The following NKAIN3 variants were observed in gnomAD, a reference collection of about 807,000 sequenced individuals.
NKAIN3 encodes the protein sodium/potassium-transporting ATPase subunit beta-1-interacting protein 3.
A neutral mutation model predicts 30.2 loss-of-function variants in NKAIN3; 25 were observed. That is an observed-to-expected ratio of 0.83 (90% CI 0.60 to 1.16). The LOEUF (loss-of-function observed/expected upper bound fraction) is 1.16. Among genes scored for constraint, NKAIN3 ranks in the 50% most tolerant of loss-of-function variants. NKAIN3 has a pLI of 0.00. For synonymous variants in NKAIN3, 91 were observed against 89.6 expected (o/e 1.02, Z -0.09); for missense variants, 225 against 254.1 (o/e 0.89, Z 0.78).
intron 3 of NKAIN3, among the ~76,000 whole-genome samples, chr8:62,715,684 T>C (rs369161336): frequency 6.6e-6 from 1 of 152,212 alleles, no homozygotes; most frequent in East Asian, 1.9e-4. Context: ...TGTTACGTTA[T>C]TGTGACAATG....
rs193219642 is a variant in NKAIN3 at position 62,806,661 on chromosome 8, G to A, written c.471+59532G>A. Among the ~76,000 whole-genome samples the A allele has an allele frequency of 3.9e-3, 588 of 152,040 alleles. 4 individuals are homozygous for A. The highest frequency in any genetic ancestry group is 0.013 in the African/African-American group (557 of 41,458). On this transcript the variant is annotated intron_variant, in intron 4 of 6. Transcript: ENST00000623646. ...ACACTCTGGGTACTGTTGTGGGGTC[G>A]CGGGAGTGGGGAGGGATAGCATTAG...
At chr8:62,856,232 T>G (rs2130781629) in intron 4 of NKAIN3, 1 of 865,846 alleles carries the variant, frequency 1.2e-6, no homozygotes, top group African/African-American at 1.6e-5. Context: ...CACTGGTTCA[T>G]TTGTTTCCCA....
At chr8:62,796,568 A>C (rs1817868758) in intron 4 of NKAIN3, among the ~76,000 whole-genome samples, 1 of 152,008 alleles carries the variant, frequency 6.6e-6, no homozygotes, top group Admixed American at 6.6e-5. Flanking sequence ...TAGGCCATTG[A>C]TGACTAAATG....
chr8:62,890,703 G>A (rs1353811700), intron 4 of NKAIN3, among the ~76,000 whole-genome samples: 3 of 152,166 alleles, frequency 2.0e-5, no homozygotes, highest in Admixed American at 2.0e-4. Flanking sequence ...ACACTCACCA[G>A]CAGCCTCTCA....
chr8:62,568,008 A>G (rs1809811436), intron 1 of NKAIN3, among the ~76,000 whole-genome samples: 1 of 152,126 alleles, frequency 6.6e-6, no homozygotes, highest in South Asian at 2.1e-4. Flanking sequence ...TGATAAATTG[A>G]AGGTTGACTA....
chr8:62,423,300 C>G (rs1476978894), intron 1 of NKAIN3, among the ~76,000 whole-genome samples: 1 of 151,932 alleles, frequency 6.6e-6, no homozygotes, highest in Non-Finnish European at 1.5e-5. Flanking sequence ...TAGTCCCTTA[C>G]TCATCAGATT....
At chr8:62,565,233 G>A (rs1371633939) in intron 1 of NKAIN3, among the ~76,000 whole-genome samples, 4 of 150,922 alleles carry the variant, frequency 2.7e-5, no homozygotes, top group African/African-American at 7.3e-5. Flanking sequence ...CTATAATATC[G>A]GACACTTCAT....
intron 4 of NKAIN3, among the ~76,000 whole-genome samples, chr8:62,844,574 T>A (rs1459404400): frequency 6.6e-6 from 1 of 152,144 alleles, no homozygotes; most frequent in Non-Finnish European, 1.5e-5. Context: ...CTTCACAAGA[T>A]AAAATTGTAA....
intron 4 of NKAIN3, among the ~76,000 whole-genome samples, chr8:62,800,491 G>T (rs935036747): frequency 1.3e-5 from 2 of 152,142 alleles, no homozygotes; most frequent in African/African-American, 4.8e-5. Context: ...TCTAAAAGGA[G>T]GAATTCCCAG....
intron 1 of NKAIN3, among the ~76,000 whole-genome samples, chr8:62,402,684 C>G (rs1339147386): frequency 6.6e-6 from 1 of 152,184 alleles, no homozygotes; most frequent in Non-Finnish European, 1.5e-5. Context: ...TTTCCTGAGG[C>G]TTCCTCAGCC....
intron 4 of NKAIN3, among the ~76,000 whole-genome samples, chr8:62,809,130 T>G (rs1563572971): frequency 6.6e-6 from 1 of 152,166 alleles, no homozygotes; most frequent in African/African-American, 2.4e-5. Flanking sequence ...TCTCAGGTAG[T>G]CAGACCTAAT....
chr8:62,779,641 T>G (rs1817297028), intron 4 of NKAIN3, among the ~76,000 whole-genome samples: 1 of 152,186 alleles, frequency 6.6e-6, no homozygotes, highest in Non-Finnish European at 1.5e-5. Context: ...GAATATTTTG[T>G]GCAACATTGT....
At chr8:62,711,590 T>C (rs1397133469) in intron 3 of NKAIN3, among the ~76,000 whole-genome samples, 1 of 39,322 alleles carries the variant, frequency 2.5e-5, no homozygotes. Context: ...CTGAATTGTT[T>C]ATTGTTTTTT....
intron 4 of NKAIN3, among the ~76,000 whole-genome samples, chr8:62,814,547 C>T (rs937829215): frequency 1.3e-5 from 2 of 152,020 alleles, no homozygotes; most frequent in Admixed American, 6.6e-5. Flanking sequence ...GACCACAGTG[C>T]AATCAAACTA....
At chr8:62,885,404 TG>T (rs1821114463) in intron 4 of NKAIN3, among the ~76,000 whole-genome samples, 1 of 152,216 alleles carries the variant, frequency 6.6e-6, no homozygotes, top group African/African-American at 2.4e-5. Context: ...GCCCAGAATT[TG>T]TTCTTTCCTG....
chr8:62,270,227 G>A (rs1812739185), intron 1 of NKAIN3, among the ~76,000 whole-genome samples: 1 of 151,956 alleles, frequency 6.6e-6, no homozygotes, highest in Non-Finnish European at 1.5e-5. Flanking sequence ...TCACAGTCAT[G>A]TGTGACCACA....
At chr8:62,637,008 A>G (rs1044617106) in intron 3 of NKAIN3, among the ~76,000 whole-genome samples, 3 of 152,170 alleles carry the variant, frequency 2.0e-5, no homozygotes, top group African/African-American at 4.8e-5. Flanking sequence ...TTTCACATGT[A>G]TAACTACAGC....
chr8:62,838,651 C>G (rs73685803), intron 4 of NKAIN3, among the ~76,000 whole-genome samples: 1,945 of 152,052 alleles, frequency 0.013, 38 homozygotes, highest in African/African-American at 0.045. Flanking sequence ...TATACGGAAG[C>G]CTTTTGTATT....
At chr8:62,564,110 T>C (rs1213575783) in intron 1 of NKAIN3, among the ~76,000 whole-genome samples, 2 of 152,226 alleles carry the variant, frequency 1.3e-5, no homozygotes, top group African/African-American at 4.8e-5. Context: ...CTTTCAATGA[T>C]TGTAACATAT....
Sources: allele counts gnomAD v4.1 joint callset (sites outside exome capture counted in the v4.1 genomes callset), GRCh38; gene constraint gnomAD v4.1.1; transcripts MANE v1.5; gene names NCBI Gene and HGNC (gene_info 2026-07-23, HGNC 2026-07-21).